The following ASTN2 variants were observed in gnomAD, a reference collection of about 807,000 sequenced individuals.
ASTN2 encodes astrotactin 2, also known as astrotactin-2.
ASTN2 carries 54 observed loss-of-function variants against 139.8 expected under a neutral mutation model. The ratio of observed to expected loss-of-function variants is 0.39; its 90% confidence interval spans 0.31 to 0.48. The LOEUF (loss-of-function observed/expected upper bound fraction) is 0.48. ASTN2 is among the 20% of genes least tolerant of loss of function. The probability of loss-of-function intolerance (pLI) is 0.95; values close to 1 mark genes in which losing one functional copy is unlikely to be tolerated. For synonymous variants in ASTN2, 756 were observed against 719.5 expected, an observed-to-expected ratio of 1.05 and a Z score of -0.81; for missense variants, 1,565 against 1,725.1, an observed-to-expected ratio of 0.91 and a Z score of 1.64.
chr9:116,533,434 G>C (rs1851457712), intron 19 of ASTN2, among the ~76,000 whole-genome samples: 2 of 152,292 alleles, frequency 1.3e-5, no homozygotes, highest in South Asian at 4.1e-4. Flanking sequence ...TCCCTGTCTT[G>C]TGCCAGTTTT....
Position 116,566,631 on chromosome 9 carries a change from A to G in ASTN2, c.3355+51693T>C, listed in dbSNP as rs115781779. 7.4e-3 allele frequency among the ~76,000 whole-genome samples: 1,128 copies of G among 152,348 alleles called. 16 individuals carry two copies. Among genetic ancestry groups the G allele is most frequent in the African/African-American group, 0.026 (1,088 of 41,586 alleles). ...GAATTGATTCACCATGCGGAAATCC[A>G]ATGGCAGGGGGCTTAACTAATCAAG... On this transcript the variant is annotated intron_variant, in intron 19 of 22. Coordinates refer to ENST00000313400, the MANE Select transcript of ASTN2 (RefSeq NM_001365068.1).
intron 13 of ASTN2, among the ~76,000 whole-genome samples, chr9:116,778,700 A>G (rs1049453534): frequency 2.0e-5 from 3 of 152,194 alleles, no homozygotes; most frequent in Non-Finnish European, 2.9e-5. Context: ...TCGACTCAGC[A>G]CCATTTATAG....
In ASTN2 at chr9:116,646,840, T is replaced by A. The variant is rs142201865; in HGVS notation, c.3072+4688A>T. ...GCTCTAACTTCTCCTGGCTTCCCCA[T>A]TGCCCTGGGGCTAAACTCCTCACCA... On this transcript the variant is annotated intron_variant, in intron 17 of 22. Transcript: ENST00000313400. Among the ~76,000 whole-genome samples, 4 of 152,314 alleles carry A rather than the reference T, an allele frequency of 2.6e-5. No homozygotes were observed. In the East Asian group the frequency reaches 7.7e-4, roughly 29 times the overall value.
At chr9:116,505,952 C>T (rs553561672) in intron 19 of ASTN2, among the ~76,000 whole-genome samples, 2 of 152,286 alleles carry the variant, frequency 1.3e-5, no homozygotes, top group South Asian at 2.1e-4. Context: ...AGAGGTTTGT[C>T]CTGATCACTG....
intron 1 of ASTN2, among the ~76,000 whole-genome samples, chr9:117,393,166 T>C (rs1224990325): frequency 1.3e-5 from 2 of 152,206 alleles, no homozygotes; most frequent in Non-Finnish European, 2.9e-5. Flanking sequence ...GCAAATACCA[T>C]ACTGGAATGT....
chr9:117,016,005 A>G (rs1484661968), intron 6 of ASTN2, among the ~76,000 whole-genome samples: 1 of 152,066 alleles, frequency 6.6e-6, no homozygotes, highest in Admixed American at 6.6e-5. Context: ...AATACCAGAG[A>G]TATATTGTAT....
chr9:117,270,348 C>G (rs1423817748), intron 2 of ASTN2, among the ~76,000 whole-genome samples: 1 of 152,186 alleles, frequency 6.6e-6, no homozygotes, highest in African/African-American at 2.4e-5. Flanking sequence ...TCATTTCTCC[C>G]TCCCTCTAGT....
At chr9:117,008,932 G>A (rs961598082) in intron 6 of ASTN2, among the ~76,000 whole-genome samples, 4 of 152,050 alleles carry the variant, frequency 2.6e-5, no homozygotes, top group Admixed American at 2.0e-4. Context: ...TAGAGAAAAC[G>A]GAGACAAAGT....
At chr9:116,477,462 C>G (rs1185970299) in intron 20 of ASTN2, among the ~76,000 whole-genome samples, 1 of 152,044 alleles carries the variant, frequency 6.6e-6, no homozygotes, top group Non-Finnish European at 1.5e-5. Flanking sequence ...ACCCCCGTCC[C>G]TACTGAGCTC....
chr9:116,596,280 T>C (rs1417373353), intron 19 of ASTN2, among the ~76,000 whole-genome samples: 3 of 152,190 alleles, frequency 2.0e-5, no homozygotes, highest in Non-Finnish European at 4.4e-5. Flanking sequence ...GTGCTGGGAA[T>C]GCGGAAACAA....
rs151173377 is a variant in ASTN2, at chr9:116,972,401, A to AT, written c.1889+2806dup. Among the ~76,000 whole-genome samples, 369 of 150,454 alleles carry AT rather than the reference A, an allele frequency of 2.5e-3. 3 individuals carry two copies. The highest frequency in any genetic ancestry group is 7.9e-3 in the African/African-American group (325 of 40,948). Reference sequence around the variant, plus strand: ...TACTTTTTCGCTGATGGGTATTTGTATTTTTTTTTCTAGCTTTCTAGCAGT... The same window carrying AT: ...TACTTTTTCGCTGATGGGTATTTGTATTTTTTTTTTCTAGCTTTCTAGCAGT... On this transcript the variant is annotated intron_variant, in intron 10 of 22. Transcript: ENST00000313400.
intron 1 of ASTN2, among the ~76,000 whole-genome samples, chr9:117,318,013 C>G (rs1346378650): frequency 1.3e-5 from 2 of 152,210 alleles, no homozygotes; most frequent in Non-Finnish European, 2.9e-5. Flanking sequence ...GCCCTTTCCC[C>G]TTTGGAGCTC....
intron 16 of ASTN2, among the ~76,000 whole-genome samples, chr9:116,676,270 T>G (rs556417579): frequency 3.2e-4 from 49 of 152,358 alleles, no homozygotes; most frequent in African/African-American, 1.1e-3. Context: ...GTAAACTATT[T>G]GTCTCCCCTG....
intron 5 of ASTN2, among the ~76,000 whole-genome samples, chr9:117,062,590 C>T (rs1367090540): frequency 6.6e-6 from 1 of 152,090 alleles, no homozygotes; most frequent in African/African-American, 2.4e-5. Flanking sequence ...TTAAAAACCA[C>T]AGTGATAATC....
At chr9:116,864,954 G>A (rs1341899501) in intron 10 of ASTN2, among the ~76,000 whole-genome samples, 1 of 152,092 alleles carries the variant, frequency 6.6e-6, no homozygotes, top group Non-Finnish European at 1.5e-5. Context: ...TAGCTTCCCA[G>A]TACTTAGAGA....
intron 5 of ASTN2, among the ~76,000 whole-genome samples, chr9:117,067,063 A>G (rs1244837277): frequency 2.6e-4 from 22 of 83,780 alleles, no homozygotes; most frequent in African/African-American, 8.6e-4. Flanking sequence ...TTGGTGTTTT[A>G]GACATGAAGT....
chr9:117,138,066 C>T (rs767493096), intron 4 of ASTN2, among the ~76,000 whole-genome samples: 3 of 152,106 alleles, frequency 2.0e-5, no homozygotes, highest in East Asian at 1.9e-4. Context: ...TGTTAATACG[C>T]TCATTTACTC....
intron 2 of ASTN2, among the ~76,000 whole-genome samples, chr9:117,231,483 G>C (rs1272630558): frequency 6.6e-6 from 1 of 152,130 alleles, no homozygotes; most frequent in African/African-American, 2.4e-5. Flanking sequence ...CTAGAAAATG[G>C]GGATAAGCAA....
At chr9:116,743,239 TG>T (rs964946429) in intron 13 of ASTN2, among the ~76,000 whole-genome samples, 1 of 152,110 alleles carries the variant, frequency 6.6e-6, no homozygotes, top group African/African-American at 2.4e-5. Flanking sequence ...GAAAATGTTT[TG>T]TATCCTTAAT....
Sources: allele counts gnomAD v4.1 joint callset (sites outside exome capture counted in the v4.1 genomes callset), GRCh38; gene constraint gnomAD v4.1.1; transcripts MANE v1.5; gene names NCBI Gene and HGNC (gene_info 2026-07-23, HGNC 2026-07-21).